CBFA2T2: variants seen among roughly 807,000 people sequenced by gnomAD.
The protein encoded by CBFA2T2 is CBFA2/RUNX1 partner transcriptional co-repressor 2.
A neutral mutation model predicts 62.2 loss-of-function variants in CBFA2T2; 11 were observed. The ratio of observed to expected loss-of-function variants is 0.18; its 90% CI spans 0.11 to 0.29. CBFA2T2 has a LOEUF of 0.29. Among genes scored for constraint, CBFA2T2 ranks in the 10% least tolerant of loss-of-function variants. CBFA2T2 has a pLI of 1.00. For synonymous variants in CBFA2T2, 295 were observed against 287.5 expected, an observed-to-expected ratio of 1.03 and a Z score of -0.27; for missense variants, 592 against 774.1, an observed-to-expected ratio of 0.76 and a Z score of 2.79.
Position 33,603,724 on chromosome 20 carries a change from C to T in CBFA2T2, c.35-3232C>T, listed in dbSNP as rs146590866. Among the ~76,000 whole-genome samples, 40 of 152,228 alleles carry T rather than the reference C, an allele frequency of 2.6e-4. 1 individual carries two copies. The highest frequency in any genetic ancestry group is 6.0e-4 in the African/African-American group (25 of 41,538). Reference sequence around the variant, plus strand: ...TGAGGGAAAAGAATTTCTTCTTCAACTCTATTTAAGGTTCTCCAAGATAGA... The same window carrying T: ...TGAGGGAAAAGAATTTCTTCTTCAATTCTATTTAAGGTTCTCCAAGATAGA... On this transcript the variant is annotated intron_variant, in intron 1 of 10. Coordinates refer to ENST00000342704, the MANE Select transcript of CBFA2T2 (RefSeq NM_001032999.3).
chr20:33,534,757 T>TA (rs1293923750), intron 1 of CBFA2T2, among the ~76,000 whole-genome samples: 17 of 140,356 alleles, frequency 1.2e-4, no homozygotes, highest in African/African-American at 4.6e-4. Context: ...TTAGCTTTTT[T>TA]TTTTTTTTTT....
chr20:33,508,361 C>G (rs915022419), intron 1 of CBFA2T2, among the ~76,000 whole-genome samples: 1 of 152,144 alleles, frequency 6.6e-6, no homozygotes, highest in Non-Finnish European at 1.5e-5. Context: ...TGCCAAAGTG[C>G]TGGGAGAACA....
At chr20:33,578,924 T>G (rs1264771795) in intron 1 of CBFA2T2, among the ~76,000 whole-genome samples, 1 of 152,120 alleles carries the variant, frequency 6.6e-6, no homozygotes, top group Non-Finnish European at 1.5e-5. Flanking sequence ...TGTAAAGAAA[T>G]AGCCTGAGTG....
intron 1 of CBFA2T2, among the ~76,000 whole-genome samples, chr20:33,571,884 TGTTTGTTTG>T (rs1049192061): frequency 4.6e-5 from 7 of 152,182 alleles, no homozygotes; most frequent in Non-Finnish European, 8.8e-5. Context: ...GTGTTTTGTT[TGTTTGTTTG>T]GTTTGTTTGG....
chr20:33,630,014 G>A, intron 8 of CBFA2T2, 100 bp downstream of exon 8: 1 of 1,045,208 alleles, frequency 9.6e-7, no homozygotes, highest in South Asian at 1.9e-5. Flanking sequence ...AAAGAAAGGT[G>A]GTACTCAATT....
intron 1 of CBFA2T2, among the ~76,000 whole-genome samples, chr20:33,535,815 G>A (rs966668783): frequency 2.0e-5 from 3 of 152,022 alleles, no homozygotes. Flanking sequence ...AGGACCCTGC[G>A]GCCTTCCGCA....
chr20:33,594,701 A>G (rs1200381816), intron 1 of CBFA2T2, among the ~76,000 whole-genome samples: 1 of 152,206 alleles, frequency 6.6e-6, no homozygotes. Context: ...TTTTTGGCCA[A>G]GAAGACTAAA....
rs1014108345 is a variant in CBFA2T2, at chr20:33,629,826, G to A, written c.1140G>A (p.Arg380=). The A allele has an allele frequency of 1.9e-6, 3 of 1,613,890 alleles. No homozygotes were observed. In the African/African-American group the frequency reaches 4.0e-5, roughly 22 times the overall value. The change falls in exon 8 of 11, where the codon CGG becomes CGA. Residue 380 remains arginine, a synonymous_variant. Coordinates refer to ENST00000342704, the MANE Select transcript of CBFA2T2 (RefSeq NM_001032999.3). The part of the protein sequence containing the change: ...DREELNYWKR[R]YNENTELRKT... Reference sequence around the variant, plus strand: ...AAGAACTCAACTACTGGAAAAGACGGTACAATGAAAACACAGAGCTGAGGA... The same window carrying A: ...AAGAACTCAACTACTGGAAAAGACGATACAATGAAAACACAGAGCTGAGGA...
intron 1 of CBFA2T2, among the ~76,000 whole-genome samples, chr20:33,568,432 A>C (rs1472104309): frequency 6.6e-6 from 1 of 152,170 alleles, no homozygotes; most frequent in African/African-American, 2.4e-5. Flanking sequence ...GGCAGTCTTT[A>C]AAAACTCAAA....
chr20:33,583,425 G>A, intron 1 of CBFA2T2, among the ~76,000 whole-genome samples: 1 of 152,136 alleles, frequency 6.6e-6, no homozygotes, highest in East Asian at 1.9e-4. Flanking sequence ...ATAGTTTAAA[G>A]TTCTTTGACT....
chr20:33,627,124 G>C (rs113527728), intron 6 of CBFA2T2, among the ~76,000 whole-genome samples: 1 of 152,110 alleles, frequency 6.6e-6, no homozygotes, highest in Non-Finnish European at 1.5e-5. Flanking sequence ...GCGGTCTGGC[G>C]TGGTGGTTCA....
intron 1 of CBFA2T2, among the ~76,000 whole-genome samples, chr20:33,529,316 C>T (rs1048950804): frequency 4.6e-5 from 7 of 152,092 alleles, no homozygotes; most frequent in Non-Finnish European, 8.8e-5. Flanking sequence ...TGAGCCACCG[C>T]GCCCAGTGCA....
At chr20:33,511,453 T>C (rs2011510273) in intron 1 of CBFA2T2, among the ~76,000 whole-genome samples, 1 of 152,150 alleles carries the variant, frequency 6.6e-6, no homozygotes, top group Non-Finnish European at 1.5e-5. Flanking sequence ...TGTAGATGTG[T>C]GGTTTTATTT....
At chr20:33,499,621 T>C (rs1030838565) in intron 1 of CBFA2T2, among the ~76,000 whole-genome samples, 3 of 152,140 alleles carry the variant, frequency 2.0e-5, no homozygotes, top group African/African-American at 7.2e-5. Context: ...TTGAAATGAG[T>C]CAATAAGCAG....
chr20:33,634,497 C>A (rs943057310), intron 8 of CBFA2T2, among the ~76,000 whole-genome samples: 2 of 151,582 alleles, frequency 1.3e-5, no homozygotes, highest in African/African-American at 4.8e-5. Context: ...CATGGTGAAA[C>A]CCTGTCTCTA....
Position 33,535,869 on chromosome 20 carries a change from T to C in CBFA2T2, c.34+45568T>C, listed in dbSNP as rs372995679. Among the ~76,000 whole-genome samples the C allele has an allele frequency of 2.2e-4, 34 of 152,018 alleles. No homozygotes were observed. In the South Asian group the frequency reaches 4.8e-3, roughly 21 times the overall value. ...ACTTGAGATTAGGGAGTGGTGATGA[T>C]TCTTAACGAGCATGCTGCCTTCAAG... On this transcript the variant is annotated intron_variant, in intron 1 of 10. Transcript: ENST00000342704.
At chr20:33,552,938 C>T (rs947210670) in intron 1 of CBFA2T2, among the ~76,000 whole-genome samples, 3 of 152,212 alleles carry the variant, frequency 2.0e-5, no homozygotes, top group Non-Finnish European at 4.4e-5. Flanking sequence ...TACTTCTCCT[C>T]TGTCAAATTT....
At chr20:33,541,476 G>A (rs1018092957) in intron 1 of CBFA2T2, among the ~76,000 whole-genome samples, 3 of 152,168 alleles carry the variant, frequency 2.0e-5, no homozygotes, top group East Asian at 1.9e-4. Context: ...CAGAGAAGCC[G>A]GACTCTATTT....
At chr20:33,612,183 T>C (rs1005089878) in intron 3 of CBFA2T2, among the ~76,000 whole-genome samples, 1 of 152,242 alleles carries the variant, frequency 6.6e-6, no homozygotes, top group East Asian at 1.9e-4. Context: ...TCTTTCTTTC[T>C]ATACTGCACG....
Sources: gnomAD v4.1 joint callset for allele counts (sites outside exome capture counted in the v4.1 genomes callset) on GRCh38, gnomAD v4.1.1 for gene constraint, MANE v1.5 for transcripts, NCBI Gene and HGNC (gene_info 2026-07-23, HGNC 2026-07-21) for gene names.